C16orf46: variants seen among roughly 807,000 people sequenced by gnomAD.
The protein encoded by C16orf46 is chromosome 16 open reading frame 46.
C16orf46 carries 7 observed loss-of-function variants against 5.5 expected under a neutral mutation model. That is an observed-to-expected ratio of 1.28 (90% CI 0.73 to 2.40). C16orf46 has a LOEUF of 2.40. Among genes scored for constraint, C16orf46 ranks in the 30% most tolerant of loss-of-function variants. The probability of loss-of-function intolerance (pLI) is 0.00; values close to 1 mark genes in which losing one functional copy is unlikely to be tolerated. For synonymous variants in C16orf46, 200 were observed against 184.1 expected (o/e 1.09, Z -0.70); for missense variants, 614 against 476.0 (o/e 1.29, Z -2.70).
intron 1 of C16orf46, among the ~76,000 whole-genome samples, chr16:81,071,320 A>G (rs1259286167): frequency 1.3e-5 from 2 of 152,074 alleles, no homozygotes; most frequent in South Asian, 2.1e-4. Flanking sequence ...GCGACCAACT[A>G]TCTGTGATCA....
intron 2 of C16orf46, among the ~76,000 whole-genome samples, chr16:81,064,711 C>T (rs963787073): frequency 6.7e-6 from 1 of 149,540 alleles, no homozygotes; most frequent in Non-Finnish European, 1.5e-5. Flanking sequence ...CACGCTATTG[C>T]ACTCCAGCCT....
intron 1 of C16orf46, among the ~76,000 whole-genome samples, chr16:81,074,748 T>C (rs971065201): frequency 6.6e-6 from 1 of 152,104 alleles, no homozygotes; most frequent in Non-Finnish European, 1.5e-5. Flanking sequence ...TTTTTTTTTT[T>C]CACATGAATG....
intron 1 of C16orf46, among the ~76,000 whole-genome samples, chr16:81,067,557 G>A (rs950139627): frequency 2.6e-5 from 4 of 151,998 alleles, no homozygotes; most frequent in Admixed American, 2.6e-4. Context: ...TGTTTGTTTT[G>A]GTTTGTTTTT....
chr16:81,072,511 A>G (rs1971891091), intron 1 of C16orf46, among the ~76,000 whole-genome samples: 3 of 151,350 alleles, frequency 2.0e-5, no homozygotes, highest in Non-Finnish European at 4.4e-5. Flanking sequence ...CAGCCTCCCA[A>G]GTAGCTGGGA....
downstream of C16orf46, among the ~76,000 whole-genome samples, chr16:81,057,227 A>G (rs184313960): frequency 7.1e-4 from 108 of 152,228 alleles, no homozygotes; most frequent in Admixed American, 6.7e-3. Context: ...GGGCCATTCA[A>G]TCCTCTAAGA....
At chr16:81,072,484 A>G (rs1188455723) in intron 1 of C16orf46, among the ~76,000 whole-genome samples, 5 of 151,562 alleles carry the variant, frequency 3.3e-5, no homozygotes, top group Admixed American at 2.6e-4. Flanking sequence ...CTCTGGGTTC[A>G]AGTGATTCTC....
chr16:81,061,112 T>C lies in C16orf46; in HGVS notation c.*49A>G, dbSNP rs757465464. ...AATGAGAGAGAAGAAAGAGAAAGGA[T>C]GGCTGCATCTCAAACGGTGCTTATT... On this transcript the variant is annotated 3_prime_UTR_variant, in exon 4 of 4. Coordinates refer to ENST00000299578, the MANE Select transcript of C16orf46 (RefSeq NM_152337.3). 6.6e-7 allele frequency: 1 copy of C among 1,523,834 alleles called. No homozygotes were observed. The highest frequency in any genetic ancestry group is 8.8e-7 in the Non-Finnish European group (1 of 1,136,008). The allele number at this position is 1,523,834 out of a possible 1,614,324, so 94.4% of individuals were successfully genotyped here. A position where few individuals can be genotyped will look rare whatever the true frequency, so the allele number is the denominator to read the frequency against.
chr16:81,066,661 T>C (rs1971664613), intron 1 of C16orf46, among the ~76,000 whole-genome samples: 1 of 152,242 alleles, frequency 6.6e-6, no homozygotes, highest in Non-Finnish European at 1.5e-5. Context: ...TATGTTGGAA[T>C]GCAGACATCT....
intron 3 of C16orf46, 55 bp from the exon 4 acceptor site, chr16:81,062,193 C>A (rs879543236): frequency 2.1e-4 from 307 of 1,453,990 alleles, no homozygotes; most frequent in Non-Finnish European, 2.7e-4. Context: ...ACTGTCCTTG[C>A]CCCAATTTTG....
At chr16:81,064,134 A>G (rs1243900267) in intron 2 of C16orf46, 141 bp from the exon 3 acceptor site, 1 of 530,030 alleles carries the variant, frequency 1.9e-6, no homozygotes, top group African/African-American at 1.9e-5. Flanking sequence ...AATTCCAGGA[A>G]TTACTTTGAG....
chr16:81,068,448 C>T (rs749979601), intron 1 of C16orf46, among the ~76,000 whole-genome samples: 1 of 152,068 alleles, frequency 6.6e-6, no homozygotes, highest in Non-Finnish European at 1.5e-5. Flanking sequence ...GGAAAGAGAC[C>T]ACCCGACCAA....
chr16:81,065,122 C>T (rs1001434347), intron 2 of C16orf46, among the ~76,000 whole-genome samples: 14 of 152,250 alleles, frequency 9.2e-5, no homozygotes, highest in South Asian at 2.1e-4. Context: ...TCCTATTTAC[C>T]GGCTGTGTCC....
chr16:81,070,412 A>C (rs1971809732), intron 1 of C16orf46, among the ~76,000 whole-genome samples: 1 of 152,230 alleles, frequency 6.6e-6, no homozygotes, highest in South Asian at 2.1e-4. Context: ...AAGCTACAGT[A>C]ATCAAAGCAG....
downstream of C16orf46, among the ~76,000 whole-genome samples, chr16:81,059,253 G>T (rs146645160): frequency 1.4e-3 from 209 of 146,612 alleles, no homozygotes; most frequent in Non-Finnish European, 2.6e-3. Flanking sequence ...CCCAGGAGGC[G>T]GAGGTTACAG....
In C16orf46 at chr16:81,061,942, G is replaced by A. The variant is rs1337035206; in HGVS notation, c.407C>T (p.Ala136Val). 8 of 1,614,064 alleles carry A rather than the reference G, an allele frequency of 5.0e-6. No individual in the cohort carries two copies. The highest frequency in any genetic ancestry group is 1.3e-5 in the African/African-American group (1 of 74,930). ...GGAAGCAGTGCTGGGGCCCTGGGGG[G>A]CTGCCTGAGTCTGGGAGGGGCTGCT... The part of the protein sequence containing the change: ...DQSSPSQTQA[A>V]PQGPSTASRA... The change falls in exon 4 of 4, where the codon GCC becomes GTC. Residue 136 changes from alanine to valine, a missense_variant. Physicochemically the swap from Ala to Val is moderately conservative, Grantham distance 64. Coordinates refer to ENST00000299578, the MANE Select transcript of C16orf46 (RefSeq NM_152337.3).
chr16:81,053,837 C>T (rs1479566522), exon 4 of C16orf46: 4 of 474,032 alleles, frequency 8.4e-6, no homozygotes, highest in Non-Finnish European at 1.1e-5. Flanking sequence ...TGCATATAAC[C>T]TCTTTTTGGG....
chr16:81,073,062 T>C (rs964107268), intron 1 of C16orf46, among the ~76,000 whole-genome samples: 2 of 152,204 alleles, frequency 1.3e-5, no homozygotes, highest in Non-Finnish European at 2.9e-5. Context: ...TATAGCTACC[T>C]TATAGGAAGT....
chr16:81,057,711 G>T (rs191113563), downstream of C16orf46, among the ~76,000 whole-genome samples: 9 of 151,064 alleles, frequency 6.0e-5, no homozygotes, highest in African/African-American at 1.9e-4. Flanking sequence ...ACATTAGAAA[G>T]GCCAGGATCC....
downstream of C16orf46, chr16:81,060,648 G>C (rs1971434624): frequency 6.5e-6 from 1 of 154,124 alleles, no homozygotes; most frequent in African/African-American, 2.4e-5. Flanking sequence ...GATCTTTGTT[G>C]CAACAGCAAA....
Sources: allele counts gnomAD v4.1 joint callset (sites outside exome capture counted in the v4.1 genomes callset), GRCh38; gene constraint gnomAD v4.1.1; transcripts MANE v1.5; gene names NCBI Gene and HGNC (gene_info 2026-07-23, HGNC 2026-07-21).